FBXL17: variants seen among roughly 807,000 people sequenced by gnomAD.
FBXL17 encodes the protein F-box and leucine rich repeat protein 17, also known as F-box/LRR-repeat protein 17.
Under a neutral mutation model 66.2 loss-of-function variants are expected in FBXL17, and 22 were observed. The ratio of observed to expected loss-of-function variants is 0.33; its 90% CI spans 0.24 to 0.47. FBXL17 has a LOEUF of 0.47. FBXL17 is among the 20% of genes least tolerant of loss of function. FBXL17 has a pLI of 1.00. For synonymous variants in FBXL17, 474 were observed against 400.5 expected (o/e 1.18, Z -2.19); for missense variants, 878 against 948.2 (o/e 0.93, Z 0.97).
At chr5:108,350,979 C>T (rs1214152937) in intron 3 of FBXL17, among the ~76,000 whole-genome samples, 1 of 152,168 alleles carries the variant, frequency 6.6e-6, no homozygotes, top group Admixed American at 6.5e-5. Flanking sequence ...TGCCATCACA[C>T]TTGTATATGA....
intron 5 of FBXL17, among the ~76,000 whole-genome samples, chr5:108,199,701 T>C (rs944864741): frequency 6.6e-6 from 1 of 152,174 alleles, no homozygotes; most frequent in Non-Finnish European, 1.5e-5. Context: ...TGTTCCAATA[T>C]TCTCTTAAAG....
At chr5:108,057,604 A>G (rs1308104835) in intron 6 of FBXL17, among the ~76,000 whole-genome samples, 3 of 152,172 alleles carry the variant, frequency 2.0e-5, no homozygotes, top group Non-Finnish European at 4.4e-5. Flanking sequence ...AAAACTCTAA[A>G]TCTCTTACAG....
chr5:107,876,449 T>C (rs952760968), intron 8 of FBXL17, among the ~76,000 whole-genome samples: 4 of 152,222 alleles, frequency 2.6e-5, no homozygotes, highest in African/African-American at 9.6e-5. Context: ...ATTTGAGAAT[T>C]GCTACGTTTA....
At chr5:107,933,147 G>A (rs1561327254) in intron 7 of FBXL17, among the ~76,000 whole-genome samples, 1 of 152,126 alleles carries the variant, frequency 6.6e-6, no homozygotes. Context: ...CTGAGGATAT[G>A]CTATAATCTA....
intron 6 of FBXL17, among the ~76,000 whole-genome samples, chr5:108,132,225 A>G (rs1750964873): frequency 6.6e-6 from 1 of 152,092 alleles, no homozygotes; most frequent in Non-Finnish European, 1.5e-5. Context: ...ATCCGCCCGC[A>G]TCAGCCTCCC....
At position 108,294,042 on chromosome 5, in the gene FBXL17, A is replaced by G. The variant is rs1267870007; in HGVS notation, c.1506+54357T>C. Among the ~76,000 whole-genome samples the G allele has an allele frequency of 6.4e-5, 7 of 109,486 alleles. No homozygotes were observed. The East Asian group carries it at 1.8e-3, about 28-fold the overall frequency. 71.8% of individuals were successfully genotyped at this position (109,486 alleles called of 152,430 possible). On this transcript the variant is annotated intron_variant, in intron 4 of 8. Coordinates refer to ENST00000542267, the MANE Select transcript of FBXL17 (RefSeq NM_001163315.3). ...GGAGACAGAGCGAGACTCTTGTCTCACAAAAAAAAAAAAAAAAAAAAAAAG... is the reference window on the plus strand; with the variant it reads ...GGAGACAGAGCGAGACTCTTGTCTCGCAAAAAAAAAAAAAAAAAAAAAAAG...
At position 108,056,329 on chromosome 5, in the gene FBXL17, C is replaced by G. The variant is rs189717322; in HGVS notation, c.1746-35328G>C. Among the ~76,000 whole-genome samples, 430 of 152,282 alleles carry G rather than the reference C, an allele frequency of 2.8e-3. 2 individuals carry two copies. The highest frequency in any genetic ancestry group is 0.01 in the Middle Eastern group (3 of 294). ...TTACAAAGAGTTGCAGAACAGCACA[C>G]ACCTGCAGTGAAAGTAAGTCTTTGA... On this transcript the variant is annotated intron_variant, in intron 6 of 8. Coordinates refer to ENST00000542267, the MANE Select transcript of FBXL17 (RefSeq NM_001163315.3).
At chr5:108,152,687 A>G (rs542819408) in intron 6 of FBXL17, among the ~76,000 whole-genome samples, 6 of 152,314 alleles carry the variant, frequency 3.9e-5, no homozygotes, top group African/African-American at 1.4e-4. Flanking sequence ...AGAGAAAAAA[A>G]TATCCTGGAA....
chr5:108,230,432 G>A (rs1414944957), intron 4 of FBXL17, among the ~76,000 whole-genome samples: 1 of 152,098 alleles, frequency 6.6e-6, no homozygotes, highest in Non-Finnish European at 1.5e-5. Context: ...AACCTGGATG[G>A]GACTGGAGAC....
At position 108,302,170 on chromosome 5, in the gene FBXL17, T is replaced by C. The variant is rs56943053; in HGVS notation, c.1506+46229A>G. The C allele has an allele frequency of 8.7e-3, 1,840 of 212,548 alleles. 33 individuals carry two copies. The highest frequency in any genetic ancestry group is 0.038 in the African/African-American group (1,629 of 42,598). The allele number at this position is 212,548 out of a possible 1,614,324, so 13.2% of individuals were successfully genotyped here. ...GCAACTAAATTGATATATCCAAGGA[T>C]AAACAAAGTTTACACTAAAATCAAG... On this transcript the variant is annotated intron_variant, in intron 4 of 8. Transcript: ENST00000542267.
chr5:107,882,421 G>T (rs1748823069), intron 7 of FBXL17, among the ~76,000 whole-genome samples: 2 of 151,844 alleles, frequency 1.3e-5, no homozygotes, highest in African/African-American at 4.8e-5. Flanking sequence ...CAAGTAGCCA[G>T]ATATTTAATG....
intron 7 of FBXL17, among the ~76,000 whole-genome samples, chr5:107,890,667 A>G (rs545292955): frequency 8.7e-4 from 95 of 109,096 alleles, no homozygotes; most frequent in Middle Eastern, 4.7e-3. Flanking sequence ...TTGTCTTAGG[A>G]AAAAAAAAAA....
chr5:108,280,532 T>C (rs1465113842), intron 4 of FBXL17, among the ~76,000 whole-genome samples: 1 of 151,498 alleles, frequency 6.6e-6, no homozygotes, highest in Non-Finnish European at 1.5e-5. Context: ...ATTGGCAAAG[T>C]AATCACACAA....
chr5:107,894,389 C>G (rs1174069996), intron 7 of FBXL17, among the ~76,000 whole-genome samples: 1 of 152,198 alleles, frequency 6.6e-6, no homozygotes, highest in African/African-American at 2.4e-5. Context: ...GAAGCTTACT[C>G]TACTGCAAGT....
intron 2 of FBXL17, 114 bp from the exon 3 acceptor site, chr5:108,365,109 CGA>C: frequency 1.2e-5 from 8 of 682,298 alleles, no homozygotes; most frequent in Non-Finnish European, 1.7e-5. Context: ...ATAGCATGAA[CGA>C]TATAATCAAA....
chr5:108,236,595 C>G (rs920874305), intron 4 of FBXL17, among the ~76,000 whole-genome samples: 5 of 151,816 alleles, frequency 3.3e-5, no homozygotes, highest in African/African-American at 1.2e-4. Flanking sequence ...AAACAAATAT[C>G]AATGACAATG....
chr5:108,039,731 GA>G (rs35626734), intron 6 of FBXL17, among the ~76,000 whole-genome samples: 1 of 152,088 alleles, frequency 6.6e-6, no homozygotes, highest in Admixed American at 6.5e-5. Flanking sequence ...CAAATTCACA[GA>G]AGGCTACCCA....
At chr5:108,168,183 AAAGTT>A (rs1410001945) in intron 6 of FBXL17, among the ~76,000 whole-genome samples, 7 of 150,138 alleles carry the variant, frequency 4.7e-5, no homozygotes, top group Admixed American at 2.7e-4. Context: ...TAGAAAGTCA[AAAGTT>A]GTTGATTTTC....
At chr5:108,057,697 C>T (rs879257827) in intron 6 of FBXL17, among the ~76,000 whole-genome samples, 2 of 152,146 alleles carry the variant, frequency 1.3e-5, no homozygotes, top group African/African-American at 2.4e-5. Context: ...AAACAAGAGG[C>T]TCTGTACTTT....
Sources: allele counts gnomAD v4.1 joint callset (sites outside exome capture counted in the v4.1 genomes callset), GRCh38; gene constraint gnomAD v4.1.1; transcripts MANE v1.5; gene names NCBI Gene and HGNC (gene_info 2026-07-23, HGNC 2026-07-21).